The following STK40 variants were observed in gnomAD, a reference collection of about 807,000 sequenced individuals.
STK40 encodes the protein serine/threonine kinase 40.
STK40 carries 13 observed loss-of-function variants against 47.9 expected under a neutral mutation model. That is an observed-to-expected ratio of 0.27 (90% CI 0.18 to 0.43). STK40 has a LOEUF of 0.43. STK40 is among the 20% of genes least tolerant of loss of function. The probability of loss-of-function intolerance (pLI) is 1.00; values close to 1 mark genes in which losing one functional copy is unlikely to be tolerated. For missense variants in STK40, 460 were observed against 595.1 expected, an observed-to-expected ratio of 0.77 and a Z score of 2.36; for synonymous variants, 225 against 243.2, an observed-to-expected ratio of 0.93 and a Z score of 0.69.
At chr1:36,383,930 C>T (rs537142508) in intron 1 of STK40, among the ~76,000 whole-genome samples, 236 of 152,254 alleles carry the variant, frequency 1.6e-3, no homozygotes, top group African/African-American at 4.6e-3. Context: ...TGGCACACTC[C>T]CGTCCCCACC....
chr1:36,370,812 T>G lies in STK40; in HGVS notation c.-8-9472A>C, dbSNP rs191349106. On this transcript the variant is annotated intron_variant, in intron 1 of 10. Coordinates refer to ENST00000373132, the MANE Select transcript of STK40 (RefSeq NM_001282547.2). ...TCTGACAGATACCAAAATCCAAGGGTGCTCAAGTCCCTAATATAAGATAAT... is the reference window on the plus strand; with the variant it reads ...TCTGACAGATACCAAAATCCAAGGGGGCTCAAGTCCCTAATATAAGATAAT... Among the ~76,000 whole-genome samples the G allele has an allele frequency of 3.1e-3, 469 of 152,092 alleles. 2 individuals carry two copies. Among genetic ancestry groups the G allele is most frequent in the Non-Finnish European group, 5.2e-3 (351 of 67,998 alleles).
chr1:36,375,283 G>T (rs1177796328), intron 1 of STK40, among the ~76,000 whole-genome samples: 1 of 152,178 alleles, frequency 6.6e-6, no homozygotes, highest in African/African-American at 2.4e-5. Context: ...GAGGCAGGTT[G>T]ATCACCTGAG....
intron 4 of STK40, among the ~76,000 whole-genome samples, chr1:36,356,276 G>A (rs562830545): frequency 6.6e-6 from 1 of 152,312 alleles, no homozygotes; most frequent in African/African-American, 2.4e-5. Context: ...CATTTTCCTT[G>A]CTGAAAGGTA....
chr1:36,356,464 T>C (rs528424890), intron 4 of STK40, among the ~76,000 whole-genome samples: 252 of 148,816 alleles, frequency 1.7e-3, no homozygotes, highest in Middle Eastern at 6.9e-3. Flanking sequence ...CTCACTCTGT[T>C]GCCCAGGCTG....
chr1:36,372,981 A>G (rs915063995), intron 1 of STK40, among the ~76,000 whole-genome samples: 1 of 152,192 alleles, frequency 6.6e-6, no homozygotes, highest in African/African-American at 2.4e-5. Flanking sequence ...AGGAATTCAC[A>G]GCTCAGAGAA....
At chr1:36,342,281 C>G (rs896025301) in intron 10 of STK40, 1 of 392,920 alleles carries the variant, frequency 2.5e-6, no homozygotes, top group Non-Finnish European at 4.8e-6. Flanking sequence ...TCTGGCCCCT[C>G]GCAAAGGTTC....
At chr1:36,346,161 A>AT (rs1185151225) in intron 7 of STK40, among the ~76,000 whole-genome samples, 5 of 149,788 alleles carry the variant, frequency 3.3e-5, no homozygotes, top group African/African-American at 9.9e-5. Context: ...CGCCCGGCTA[A>AT]TTTTTTTTAT....
chr1:36,364,309 T>C (rs570804155), intron 1 of STK40, among the ~76,000 whole-genome samples: 65 of 152,322 alleles, frequency 4.3e-4, no homozygotes, highest in African/African-American at 1.5e-3. Flanking sequence ...TTTTAAGGTA[T>C]TTGACAGATG....
At chr1:36,379,852 C>A (rs1480537523) in intron 1 of STK40, among the ~76,000 whole-genome samples, 1 of 152,138 alleles carries the variant, frequency 6.6e-6, no homozygotes, top group Non-Finnish European at 1.5e-5. Context: ...GTCTTTGAGG[C>A]AGCAATTCAC....
At chr1:36,346,009 T>TTTTTTTTTTTTC (rs1436531127) in intron 7 of STK40, among the ~76,000 whole-genome samples, 1 of 122,030 alleles carries the variant, frequency 8.2e-6, no homozygotes, top group Non-Finnish European at 1.6e-5. Context: ...TTTTTTTTTT[T>TTTTTTTTTTTTC]CCTGAGACAG....
At position 36,361,350 on chromosome 1, in the gene STK40, AC is replaced by A. The variant is rs755319057; in HGVS notation, c.-8-11del. On this transcript the variant is annotated splice_polypyrimidine_tract_variant and intron_variant, in intron 1 of 10. Transcript: ENST00000373132. ...CGCTTCATTCTCAGCTCTAGACAAG[AC>A]AGAAAGACCCCTTCTCACTGAGTAA... 281 of 1,613,974 alleles carry A rather than the reference AC, an allele frequency of 1.7e-4. No homozygotes were observed. The highest frequency in any genetic ancestry group is 2.1e-4 in the Non-Finnish European group (249 of 1,180,022).
rs576559563 is a variant in STK40 at position 36,346,361 on chromosome 1, G to A, written c.740-2097C>T. ...TCCCTATTTTACAGATGAGAAAATG[G>A]AGGCTCAGAGAGGTCTGTAACTTCC... On this transcript the variant is annotated intron_variant, in intron 7 of 10. Transcript: ENST00000373132. 3.9e-5 allele frequency among the ~76,000 whole-genome samples: 6 copies of A among 152,258 alleles called. No individual in the cohort carries two copies. In the South Asian group the frequency reaches 1.2e-3, roughly 32 times the overall value.
intron 1 of STK40, chr1:36,362,548 C>T (rs928462786): frequency 5.5e-4 from 84 of 152,350 alleles, no homozygotes; most frequent in African/African-American, 1.9e-3. Flanking sequence ...GGATAGAGGC[C>T]TGACACCCAC....
chr1:36,348,759 C>T lies in STK40; in HGVS notation c.680G>A (p.Gly227Glu), dbSNP rs372906641. Residue 227 changes from glycine to glutamate, a missense_variant, in exon 7 of 11, where the codon GGG (glycine) becomes GAG (glutamate). Around this residue, in one of 3 missense-constraint regions of STK40, gnomAD observed 277 missense variants for 358.7 expected, o/e 0.77. Transcript: ENST00000373132. ...CCCTCTCTGGTCCTTCAGCAGGTCCCCCTCGCTCACCAGATGCTTCCCGAG... is the reference window on the plus strand; with the variant it reads ...CCCTCTCTGGTCCTTCAGCAGGTCCTCCTCGCTCACCAGATGCTTCCCGAG... ...FCLGKHLVSE[G>E]DLLKDQRGSP... is the part of the protein sequence containing the mutation. 168 of 1,610,768 alleles carry T rather than the reference C, an allele frequency of 1.0e-4. No homozygotes were observed. Among genetic ancestry groups the T allele is most frequent in the Non-Finnish European group, 1.4e-4 (165 of 1,178,548 alleles).
intron 10 of STK40, 192 bp from the exon 11 acceptor site, chr1:36,342,165 T>C: frequency 1.7e-6 from 1 of 604,292 alleles, no homozygotes; most frequent in Non-Finnish European, 2.9e-6. Flanking sequence ...CCAGCCAACC[T>C]CAACTCCCCT....
chr1:36,370,135 G>A (rs1251248680), intron 1 of STK40, among the ~76,000 whole-genome samples: 1 of 152,264 alleles, frequency 6.6e-6, no homozygotes, highest in South Asian at 2.1e-4. Context: ...GACTAGGCTG[G>A]CTGATTACCG....
Position 36,358,388 on chromosome 1 carries a change from G to A in STK40, c.199-6C>T. ...CTCTCCTCCAGGGTCAGGATCTTTA[G>A]GAAAGCATAAAAATAAAACCAAAAC... On this transcript the variant is annotated splice_polypyrimidine_tract_variant and splice_region_variant and intron_variant, in intron 3 of 10. Coordinates refer to ENST00000373132, the MANE Select transcript of STK40 (RefSeq NM_001282547.2). 1.3e-6 allele frequency: 2 copies of A among 1,588,130 alleles called. No individual in the cohort carries two copies. Among genetic ancestry groups the A allele is most frequent in the Non-Finnish European group, 1.7e-6 (2 of 1,160,536 alleles).
At chr1:36,358,627 T>C in intron 3 of STK40, 110 bp downstream of exon 3, 10 of 1,264,990 alleles carry the variant, frequency 7.9e-6, no homozygotes, top group Admixed American at 4.3e-5. Context: ...CGGGAAGAAA[T>C]GGCGCTACTC....
chr1:36,365,956 T>C (rs138000116), intron 1 of STK40: 2 of 152,362 alleles, frequency 1.3e-5, no homozygotes, highest in East Asian at 3.9e-4. Context: ...AGATACTCCA[T>C]GAGTGAACGG....
Sources: gnomAD v4.1 joint callset for allele counts (sites outside exome capture counted in the v4.1 genomes callset) on GRCh38, gnomAD v4.1.1 for gene constraint, gnomAD v4.1.1 regional missense constraint, MANE v1.5 for transcripts, NCBI Gene and HGNC (gene_info 2026-07-23, HGNC 2026-07-21) for gene names.